Variants in ARNT2 observed in about 807,000 individuals in gnomAD.
The protein encoded by ARNT2 is aryl hydrocarbon receptor nuclear translocator 2.
ARNT2 carries 36 observed loss-of-function variants against 91.7 expected under a neutral mutation model. That is an observed-to-expected ratio of 0.39 (90% CI 0.30 to 0.52). The LOEUF (loss-of-function observed/expected upper bound fraction) is 0.52, where lower values mean the gene tolerates loss of function less well. ARNT2 is among the 20% of genes least tolerant of loss of function. ARNT2 has a pLI of 0.72. For missense variants in ARNT2, 775 were observed against 939.3 expected, an observed-to-expected ratio of 0.83 and a Z score of 2.29; for synonymous variants, 365 against 347.1, an observed-to-expected ratio of 1.05 and a Z score of -0.57.
intron 1 of ARNT2, among the ~76,000 whole-genome samples, chr15:80,439,708 A>AT (rs1482728350): frequency 1.3e-5 from 2 of 152,086 alleles, no homozygotes; most frequent in Non-Finnish European, 2.9e-5. Context: ...TTGGTCATTC[A>AT]TTTCTTTCCC....
chr15:80,500,009 C>A (rs1381828273), intron 5 of ARNT2, among the ~76,000 whole-genome samples: 1 of 152,130 alleles, frequency 6.6e-6, no homozygotes, highest in African/African-American at 2.4e-5. Flanking sequence ...TGTTTGTGCC[C>A]TCAGCCACTT....
At chr15:80,511,906 G>A (rs909138437) in intron 6 of ARNT2, among the ~76,000 whole-genome samples, 5 of 152,246 alleles carry the variant, frequency 3.3e-5, no homozygotes, top group Admixed American at 6.5e-5. Flanking sequence ...AGCCCTGAAT[G>A]TGAGCCCTGA....
chr15:80,566,309 CTCCTGGTGATTCTCT>C (rs1284448773), intron 12 of ARNT2, among the ~76,000 whole-genome samples: 1 of 152,172 alleles, frequency 6.6e-6, no homozygotes, highest in Middle Eastern at 3.2e-3. Context: ...CACCAGGACC[CTCCTGGTGATTCTCT>C]TCCTGTTCAT....
rs148192029 is a variant in ARNT2, at chr15:80,489,972, C to T, written c.622+14749C>T. Among the ~76,000 whole-genome samples the T allele has an allele frequency of 1.2e-4, 18 of 152,290 alleles. No individual in the cohort carries two copies. The East Asian group carries it at 2.1e-3, about 18-fold the overall frequency. On this transcript the variant is annotated intron_variant, in intron 5 of 18. Coordinates refer to ENST00000303329, the MANE Select transcript of ARNT2 (RefSeq NM_014862.4). Reference sequence around the variant, plus strand: ...GGATGGTGCCCAAGACAGTGCCTGGCGTGGTCTGGGTACTCAGTAAATGCT... The same window carrying T: ...GGATGGTGCCCAAGACAGTGCCTGGTGTGGTCTGGGTACTCAGTAAATGCT...
chr15:80,435,061 G>A (rs1327421981), intron 1 of ARNT2, among the ~76,000 whole-genome samples: 2 of 152,024 alleles, frequency 1.3e-5, no homozygotes, highest in Admixed American at 1.3e-4. Context: ...GTTGTCGCCT[G>A]TACCACTCTC....
At chr15:80,461,322 C>A (rs528370549) in intron 3 of ARNT2, among the ~76,000 whole-genome samples, 1 of 152,084 alleles carries the variant, frequency 6.6e-6, no homozygotes, top group Non-Finnish European at 1.5e-5. Context: ...GGACAGGAGT[C>A]GAGGTGGTTA....
At chr15:80,544,545 T>C (rs534927189) in intron 8 of ARNT2, among the ~76,000 whole-genome samples, 1 of 152,220 alleles carries the variant, frequency 6.6e-6, no homozygotes, top group Non-Finnish European at 1.5e-5. Flanking sequence ...CATAACTCCA[T>C]TGTGATTTAA....
chr15:80,412,330 C>T (rs772319938), intron 1 of ARNT2, among the ~76,000 whole-genome samples: 14 of 152,142 alleles, frequency 9.2e-5, no homozygotes, highest in Non-Finnish European at 1.6e-4. Context: ...TCTCCTAGCC[C>T]CTGCTGAGGA....
intron 2 of ARNT2, among the ~76,000 whole-genome samples, chr15:80,454,400 C>T (rs4778594): frequency 1.3e-5 from 2 of 152,134 alleles, no homozygotes; most frequent in Non-Finnish European, 2.9e-5. Context: ...GAGTCCGATG[C>T]TGGGCTTCTA....
At chr15:80,411,411 T>C (rs1457906790) in intron 1 of ARNT2, among the ~76,000 whole-genome samples, 3 of 152,210 alleles carry the variant, frequency 2.0e-5, no homozygotes, top group Admixed American at 6.5e-5. Flanking sequence ...TTATTTTGTA[T>C]GTGGCTGCCT....
intron 6 of ARNT2, among the ~76,000 whole-genome samples, chr15:80,512,605 A>G (rs896510594): frequency 6.6e-6 from 1 of 152,256 alleles, no homozygotes; most frequent in Non-Finnish European, 1.5e-5. Flanking sequence ...TTTGTCCTGC[A>G]GTGCTTCTGT....
intron 8 of ARNT2, among the ~76,000 whole-genome samples, chr15:80,543,525 AT>A (rs1260851514): frequency 6.6e-6 from 1 of 152,112 alleles, no homozygotes; most frequent in East Asian, 1.9e-4. Context: ...GTCAGCCATT[AT>A]TTCTTCAAAT....
At chr15:80,502,520 G>A (rs1030439916) in intron 5 of ARNT2, among the ~76,000 whole-genome samples, 1 of 152,216 alleles carries the variant, frequency 6.6e-6, no homozygotes, top group African/African-American at 2.4e-5. Context: ...GTAGTAGGTG[G>A]ACGAGGTGGA....
chr15:80,597,117 C>A lies in ARNT2; in HGVS notation c.*3419C>A. 1 of 518,526 alleles carries A rather than the reference C, an allele frequency of 1.9e-6. No homozygotes were observed. Among genetic ancestry groups the A allele is most frequent in the Non-Finnish European group, 3.9e-6 (1 of 259,640 alleles). The allele number at this position is 518,526 out of a possible 1,614,324, so 32.1% of individuals were successfully genotyped here. On this transcript the variant is annotated 3_prime_UTR_variant, in exon 19 of 19. Transcript: ENST00000303329. ...TTACTCTTCCGTGTCAACAATGTGA[C>A]TACATGTTCTCCAGATTAGCCACAC...
chr15:80,465,746 G>A (rs932796402), intron 3 of ARNT2, among the ~76,000 whole-genome samples: 1 of 152,192 alleles, frequency 6.6e-6, no homozygotes, highest in African/African-American at 2.4e-5. Context: ...AAGCACTTAG[G>A]TTTATGTCGT....
chr15:80,530,729 G>A (rs992567078), intron 8 of ARNT2, among the ~76,000 whole-genome samples: 5 of 152,258 alleles, frequency 3.3e-5, no homozygotes, highest in Non-Finnish European at 7.4e-5. Context: ...GCTTTGCCTT[G>A]CAAAGTGGGG....
chr15:80,487,442 G>T (rs373587143), intron 5 of ARNT2, among the ~76,000 whole-genome samples: 2 of 152,234 alleles, frequency 1.3e-5, no homozygotes, highest in African/African-American at 4.8e-5. Context: ...AGGAGAGGGT[G>T]CAGGGAGATG....
intron 1 of ARNT2, among the ~76,000 whole-genome samples, chr15:80,412,681 T>C (rs1265315471): frequency 3.9e-5 from 6 of 152,244 alleles, no homozygotes; most frequent in Non-Finnish European, 8.8e-5. Context: ...GGGCATATAA[T>C]ATTTGGTGTG....
At chr15:80,556,813 G>A (rs1251456462) in intron 11 of ARNT2, 1 of 152,184 alleles carries the variant, frequency 6.6e-6, no homozygotes, top group Non-Finnish European at 1.5e-5. Flanking sequence ...CCACACAGGT[G>A]ATGAATGAGA....
Sources: gnomAD v4.1 joint callset for allele counts (sites outside exome capture counted in the v4.1 genomes callset) on GRCh38, gnomAD v4.1.1 for gene constraint, MANE v1.5 for transcripts, NCBI Gene and HGNC (gene_info 2026-07-23, HGNC 2026-07-21) for gene names.